Variants in TENM3 observed in about 807,000 individuals in gnomAD.
The protein encoded by TENM3 is teneurin transmembrane protein 3, also known as teneurin-3.
In TENM3, 63 loss-of-function variants were observed where a neutral mutation model predicts 255.1. The observed-to-expected ratio is 0.25, with a 90% CI of 0.20 to 0.30. The LOEUF (loss-of-function observed/expected upper bound fraction) is 0.30, where lower values mean the gene tolerates loss of function less well. Among genes scored for constraint, TENM3 ranks in the 10% least tolerant of loss-of-function variants. The pLI is 1.00. For synonymous variants in TENM3, 1,306 were observed against 1,322.3 expected, an observed-to-expected ratio of 0.99 and a Z score of 0.27; for missense variants, 2,929 against 3,461.1, an observed-to-expected ratio of 0.85 and a Z score of 3.86.
At chr4:181,799,759 T>A in the TENM3 span, among the ~76,000 whole-genome samples, 1 of 152,168 alleles carries the variant, frequency 6.6e-6, no homozygotes, top group Non-Finnish European at 1.5e-5. Flanking sequence ...GGGGAGGTTA[T>A]TAAATTATAC....
At chr4:181,972,986 C>T in the TENM3 span, among the ~76,000 whole-genome samples, 5 of 152,000 alleles carry the variant, frequency 3.3e-5, no homozygotes, top group Admixed American at 1.3e-4. Context: ...AGGTATGAAT[C>T]TAGTCCATTA....
Position 182,673,014 on chromosome 4 carries a change from G to T in TENM3, c.1121G>T (p.Gly374Val). Residue 374 changes from glycine to valine, a missense_variant, in exon 7 of 28, where the codon GGT becomes GTT. Gly to Val is a moderately radical substitution (Grantham distance 109, BLOSUM62 -3). Around this residue, in one of 6 missense-constraint regions of TENM3, gnomAD observed 1,608 missense variants for 1,884.4 expected, o/e 0.85. Transcript: ENST00000511685. ...SLPSGDNGKL[G>V]GFTQENNTID... ...CATCTCTTACATTCAGGAAAATTAG[G>T]TGGATTTACGCAAGAAAATAACACC... is the stretch of plus-strand genomic sequence containing the variant. The T allele has an allele frequency of 1.9e-6, 3 of 1,577,364 alleles. No individual in the cohort carries two copies. The highest frequency in any genetic ancestry group is 2.6e-6 in the Non-Finnish European group (3 of 1,157,874).
the TENM3 span, among the ~76,000 whole-genome samples, chr4:181,452,822 T>C: frequency 6.6e-6 from 1 of 152,200 alleles, no homozygotes; most frequent in Admixed American, 6.5e-5. Context: ...AAAGCATAGA[T>C]ACTAATGCCA....
At chr4:182,359,660 C>CA (rs1198894798) in intron 3 of TENM3, among the ~76,000 whole-genome samples, 1 of 142,558 alleles carries the variant, frequency 7.0e-6, no homozygotes, top group Non-Finnish European at 1.5e-5. Flanking sequence ...TTGATTGTTT[C>CA]AAAAAACCAG....
At chr4:181,513,191 C>T in the TENM3 span, among the ~76,000 whole-genome samples, 4 of 152,048 alleles carry the variant, frequency 2.6e-5, no homozygotes, top group African/African-American at 9.7e-5. Context: ...GGAGCATCTT[C>T]TGCCTGCTAA....
the TENM3 span, among the ~76,000 whole-genome samples, chr4:181,641,552 GTGTATATATATATATATATA>G: frequency 1.5e-3 from 33 of 21,690 alleles, no homozygotes; most frequent in East Asian, 2.6e-3. Context: ...CATGGTGTGT[GTGTATATATATATATATATA>G]TATATATATA....
the TENM3 span, among the ~76,000 whole-genome samples, chr4:181,907,314 G>A: frequency 2.0e-5 from 3 of 152,180 alleles, no homozygotes; most frequent in Admixed American, 6.5e-5. Context: ...TGAAGGGGAA[G>A]ATCCCATGTG....
intron 6 of TENM3, among the ~76,000 whole-genome samples, chr4:182,669,265 G>T (rs1001499187): frequency 2.0e-4 from 25 of 124,496 alleles, no homozygotes; most frequent in East Asian, 9.6e-4. Flanking sequence ...TCCATGTCAC[G>T]TTTTTTTTGT....
the TENM3 span, among the ~76,000 whole-genome samples, chr4:182,112,879 T>C: frequency 1.3e-5 from 2 of 152,208 alleles, no homozygotes; most frequent in Non-Finnish European, 2.9e-5. Flanking sequence ...AAAAGGTCAA[T>C]ATTATTGCTA....
chr4:181,587,745 A>G, the TENM3 span, among the ~76,000 whole-genome samples: 1 of 152,218 alleles, frequency 6.6e-6, no homozygotes, highest in Non-Finnish European at 1.5e-5. Context: ...ACCTTGTTTC[A>G]ATTACATCAG....
chr4:181,719,663 G>T, the TENM3 span, among the ~76,000 whole-genome samples: 4 of 152,202 alleles, frequency 2.6e-5, no homozygotes, highest in Non-Finnish European at 5.9e-5. Flanking sequence ...CACCTTGAGG[G>T]TTAAGGTTAA....
At chr4:182,526,902 A>G (rs1208245711) in intron 3 of TENM3, among the ~76,000 whole-genome samples, 1 of 152,168 alleles carries the variant, frequency 6.6e-6, no homozygotes, top group Admixed American at 6.5e-5. Context: ...ACTATATGTA[A>G]TATTATTGGT....
chr4:182,004,693 A>G, the TENM3 span, among the ~76,000 whole-genome samples: 3 of 152,196 alleles, frequency 2.0e-5, no homozygotes, highest in Non-Finnish European at 2.9e-5. Context: ...CCCCACCAAC[A>G]GTGTAAAAGC....
the TENM3 span, among the ~76,000 whole-genome samples, chr4:181,798,879 C>A: frequency 6.6e-6 from 1 of 152,142 alleles, no homozygotes; most frequent in Non-Finnish European, 1.5e-5. Context: ...ACAAATGTAA[C>A]AGTGTGAGCC....
chr4:182,517,961 A>T (rs1421996916), intron 3 of TENM3, among the ~76,000 whole-genome samples: 1 of 152,098 alleles, frequency 6.6e-6, no homozygotes, highest in Non-Finnish European at 1.5e-5. Context: ...ACATGTCCAA[A>T]CAGTGCTGCC....
At chr4:181,672,339 A>C in the TENM3 span, among the ~76,000 whole-genome samples, 1 of 152,286 alleles carries the variant, frequency 6.6e-6, no homozygotes, top group East Asian at 1.9e-4. Flanking sequence ...TGTTATTTCT[A>C]TATTTGGTAC....
At chr4:182,571,872 AC>A (rs1336452637) in intron 3 of TENM3, among the ~76,000 whole-genome samples, 2 of 152,304 alleles carry the variant, frequency 1.3e-5, no homozygotes, top group Non-Finnish European at 2.9e-5. Context: ...ACTGTGGCAC[AC>A]AGCAATTAGG....
chr4:182,274,566 TCTA>T (rs752538995), intron 1 of TENM3, among the ~76,000 whole-genome samples: 1 of 152,188 alleles, frequency 6.6e-6, no homozygotes, highest in Non-Finnish European at 1.5e-5. Context: ...TTCGCCGTGT[TCTA>T]CCTCCATCAC....
chr4:181,944,966 T>C, the TENM3 span, among the ~76,000 whole-genome samples: 4 of 152,088 alleles, frequency 2.6e-5, no homozygotes, highest in South Asian at 8.3e-4. Context: ...GACTGAAACA[T>C]GCTTGCCTCT....
Sources: allele counts gnomAD v4.1 joint callset (sites outside exome capture counted in the v4.1 genomes callset), GRCh38; gene constraint gnomAD v4.1.1; regional missense constraint gnomAD v4.1.1; transcripts MANE v1.5; gene names NCBI Gene and HGNC (gene_info 2026-07-23, HGNC 2026-07-21).